The following TRMT1L variants were observed in gnomAD, a reference collection of about 807,000 sequenced individuals.
The protein encoded by TRMT1L is tRNA methyltransferase 1L.
Under a neutral mutation model 81.6 loss-of-function variants are expected in TRMT1L, and 28 were observed. That is an observed-to-expected ratio of 0.34 (90% confidence interval 0.25 to 0.47). The LOEUF is 0.47. Among genes scored for constraint, TRMT1L ranks in the 20% least tolerant of loss-of-function variants. TRMT1L has a pLI of 1.00. For missense variants in TRMT1L, 739 were observed against 877.1 expected (o/e 0.84, Z 1.99); for synonymous variants, 301 against 303.2 (o/e 0.99, Z 0.07).
Position 185,147,187 on chromosome 1 carries a change from C to T in TRMT1L, c.520G>A (p.Glu174Lys). 1 of 1,604,818 alleles carries T rather than the reference C, an allele frequency of 6.2e-7. No homozygotes were observed. Among genetic ancestry groups the T allele is most frequent in the Middle Eastern group, 1.7e-4 (1 of 6,026 alleles). The change falls in exon 4 of 15, where the codon GAA (glutamate) becomes AAA (lysine). Residue 174 changes from glutamate (E) to lysine (K), a missense_variant. Glu to Lys is a moderately conservative substitution (Grantham distance 56). Transcript: ENST00000367506. ...AAAATCTAATATCTGATCACCTGTTCTCCAATAATGTTTGGTTTCACTGGT... is the reference window on the plus strand; with the variant it reads ...AAAATCTAATATCTGATCACCTGTTTTCCAATAATGTTTGGTTTCACTGGT... ...CRPVKPNIIG[E>K]QITSKMGAHY...
rs377568437 is a variant in TRMT1L at position 185,139,344 on chromosome 1, G to C, written c.1322+23C>G. The stretch of plus-strand genomic sequence containing the variant: ...TTTATCAAATACTGAAACACACTAA[G>C]TACACTGTTGGCAATTTGGTACCTT... On this transcript the variant is annotated intron_variant, in intron 9 of 14. Coordinates refer to ENST00000367506, the MANE Select transcript of TRMT1L (RefSeq NM_030934.5). The C allele has an allele frequency of 1.1e-5, 17 of 1,596,332 alleles. No individual in the cohort carries two copies. In the African/African-American group the frequency reaches 1.9e-4, roughly 18 times the overall value.
chr1:185,125,187 T>A, intron 11 of TRMT1L, 77 bp from the exon 12 acceptor site: 1 of 1,044,204 alleles, frequency 9.6e-7, no homozygotes, highest in Non-Finnish European at 1.3e-6. Flanking sequence ...ACAATTTAAC[T>A]ATAAGTAAGA....
chr1:185,156,516 G>A lies in TRMT1L; in HGVS notation c.197C>T (p.Ser66Phe), dbSNP rs1390894048. 6.2e-7 allele frequency: 1 copy of A among 1,613,592 alleles called. No homozygotes were observed. The highest frequency in any genetic ancestry group is 1.1e-5 in the South Asian group (1 of 91,044). ...APALAQAPAL[S>F]PSLASAPEEA... ...CTCAGGGGCAGAGGCTAGGGACGGGGACAGGGCCGGAGCCTGGGCCAGGGC... is the reference window on the plus strand; with the variant it reads ...CTCAGGGGCAGAGGCTAGGGACGGGAACAGGGCCGGAGCCTGGGCCAGGGC... Residue 66 changes from serine (S) to phenylalanine (F), a missense_variant, in exon 1 of 15, where the codon TCC becomes TTC. Transcript: ENST00000367506.
In TRMT1L at chr1:185,156,768, G is replaced by C; in HGVS notation, c.-56C>G. 1.9e-6 allele frequency: 3 copies of C among 1,603,172 alleles called. No individual in the cohort carries two copies. Among genetic ancestry groups the C allele is most frequent in the Middle Eastern group, 1.7e-4 (1 of 6,024 alleles). Reference sequence around the variant, plus strand: ...GGACCCGGAGCGGGGCTCACGGCGGGGTCAGAGAACTGACGTGAATGCCCA... The same window carrying C: ...GGACCCGGAGCGGGGCTCACGGCGGCGTCAGAGAACTGACGTGAATGCCCA... On this transcript the variant is annotated 5_prime_UTR_variant, in exon 1 of 15. Coordinates refer to ENST00000367506, the MANE Select transcript of TRMT1L (RefSeq NM_030934.5).
intron 3 of TRMT1L, 24 bp from the exon 4 acceptor site, chr1:185,147,270 T>A: frequency 6.4e-7 from 1 of 1,556,230 alleles, no homozygotes; most frequent in Non-Finnish European, 8.8e-7. Context: ...TGGCTGGTTA[T>A]CATACATTGT....
At chr1:185,124,785 T>TAA in intron 12 of TRMT1L, 159 bp downstream of exon 12, 4 of 568,556 alleles carry the variant, frequency 7.0e-6, no homozygotes, top group African/African-American at 1.9e-5. Flanking sequence ...ACTATGTAAT[T>TAA]AAAAAAAAAC....
chr1:185,142,226 T>C (rs139960694), intron 7 of TRMT1L, among the ~76,000 whole-genome samples: 21 of 152,316 alleles, frequency 1.4e-4, no homozygotes, highest in African/African-American at 3.6e-4. Context: ...CCTCTTTTAA[T>C]AGATGAGCAA....
chr1:185,156,205 A>G (rs1168228151), intron 1 of TRMT1L, among the ~76,000 whole-genome samples: 1 of 152,206 alleles, frequency 6.6e-6, no homozygotes, highest in Non-Finnish European at 1.5e-5. Context: ...CTCCCTTTTA[A>G]GAAAAAGCCC....
intron 4 of TRMT1L, among the ~76,000 whole-genome samples, chr1:185,146,267 T>C (rs1653185481): frequency 6.6e-6 from 1 of 152,012 alleles, no homozygotes; most frequent in Non-Finnish European, 1.5e-5. Context: ...CCAGCTCCAG[T>C]ACCCCACTGA....
chr1:185,128,382 CTTCT>C (rs1295958123), intron 11 of TRMT1L, among the ~76,000 whole-genome samples: 3 of 152,146 alleles, frequency 2.0e-5, no homozygotes, highest in Non-Finnish European at 4.4e-5. Context: ...TTTTAAAAAG[CTTCT>C]TTCTTACTAT....
chr1:185,139,441 G>A lies in TRMT1L; in HGVS notation c.1248C>T (p.His416=), dbSNP rs745942288. ...YAKAQHVARR[H]YGCNIVRTEY... ...CAGTTCGGACAATGTTACATCCGTA[G>A]TGACGCCGGGCAACATGCTGTGCCT... Residue 416 remains histidine (H), a synonymous_variant, in exon 9 of 15, where the codon CAC becomes CAT. Transcript: ENST00000367506. 8 of 1,614,148 alleles carry A rather than the reference G, an allele frequency of 5.0e-6. No homozygotes were observed. Among genetic ancestry groups the A allele is most frequent in the South Asian group, 1.1e-5 (1 of 91,090 alleles).
At chr1:185,155,080 TCTCA>T (rs1653458014) in intron 1 of TRMT1L, among the ~76,000 whole-genome samples, 1 of 152,250 alleles carries the variant, frequency 6.6e-6, no homozygotes, top group African/African-American at 2.4e-5. Flanking sequence ...ATTTCAGACT[TCTCA>T]ATCATTACAT....
intron 3 of TRMT1L, among the ~76,000 whole-genome samples, chr1:185,147,529 A>C (rs1452754945): frequency 6.6e-6 from 1 of 152,144 alleles, no homozygotes; most frequent in Admixed American, 6.5e-5. Context: ...TTAGTCATTT[A>C]GCATCTTTGG....
At chr1:185,146,043 C>T (rs993379722) in intron 4 of TRMT1L, among the ~76,000 whole-genome samples, 2 of 152,118 alleles carry the variant, frequency 1.3e-5, no homozygotes, top group South Asian at 4.1e-4. Context: ...TGCATTATTA[C>T]ACCATTACAG....
intron 10 of TRMT1L, 37 bp downstream of exon 10, chr1:185,137,569 G>T: frequency 1.3e-6 from 2 of 1,578,152 alleles, no homozygotes; most frequent in Non-Finnish European, 1.7e-6. Context: ...ATTCAGTGGA[G>T]GATTATAGAT....
intron 3 of TRMT1L, among the ~76,000 whole-genome samples, chr1:185,148,093 G>C (rs1296196337): frequency 6.6e-6 from 1 of 152,114 alleles, no homozygotes; most frequent in Non-Finnish European, 1.5e-5. Context: ...AGTGCTCCAA[G>C]ATTTAGTCCT....
chr1:185,152,450 T>C (rs1416887151), intron 1 of TRMT1L, among the ~76,000 whole-genome samples: 1 of 152,156 alleles, frequency 6.6e-6, no homozygotes, highest in Admixed American at 6.5e-5. Flanking sequence ...TCAGTAGAAG[T>C]ATGTGCAGCT....
chr1:185,142,793 A>T lies in TRMT1L; in HGVS notation c.859+564T>A, dbSNP rs548843626. Among the ~76,000 whole-genome samples the T allele has an allele frequency of 5.9e-5, 9 of 152,274 alleles. No homozygotes were observed. The South Asian group carries it at 1.9e-3, about 32-fold the overall frequency. On this transcript the variant is annotated intron_variant, in intron 7 of 14. Coordinates refer to ENST00000367506, the MANE Select transcript of TRMT1L (RefSeq NM_030934.5). ...TGCGGGAAACTCTATGGGTCAAAAG[A>T]CATGTTAAGTCAACAAATAATTATC...
chr1:185,156,506 T>TAGGGACGGGGACAGGGCC lies in TRMT1L; in HGVS notation c.189_206dup (p.Leu65_Ala70dup). 6.2e-7 allele frequency: 1 copy of TAGGGACGGGGACAGGGCC among 1,613,752 alleles called. No individual in the cohort carries two copies. The highest frequency in any genetic ancestry group is 1.1e-5 in the South Asian group (1 of 91,072). Reference sequence around the variant, plus strand: ...TTTTAGCCTCCTCAGGGGCAGAGGCTAGGGACGGGGACAGGGCCGGAGCCT... The same window carrying TAGGGACGGGGACAGGGCC: ...TTTTAGCCTCCTCAGGGGCAGAGGCTAGGGACGGGGACAGGGCCAGGGACGGGGACAGGGCCGGAGCCT... On this transcript the variant is annotated inframe_insertion, in exon 1 of 15. Coordinates refer to ENST00000367506, the MANE Select transcript of TRMT1L (RefSeq NM_030934.5).
Sources: gnomAD v4.1 joint callset for allele counts (sites outside exome capture counted in the v4.1 genomes callset) on GRCh38, gnomAD v4.1.1 for gene constraint, MANE v1.5 for transcripts, NCBI Gene and HGNC (gene_info 2026-07-23, HGNC 2026-07-21) for gene names.